LYPD6B: variants seen among roughly 807,000 people sequenced by gnomAD.
LYPD6B encodes LY6/PLAUR domain containing 6B.
LYPD6B carries 17 observed loss-of-function variants against 22.8 expected under a neutral mutation model. The observed-to-expected ratio is 0.75, with a 90% CI of 0.51 to 1.12. The LOEUF is 1.12. LYPD6B is among the 50% of genes most tolerant of loss of function. LYPD6B has a pLI of 0.00. For synonymous variants in LYPD6B, 106 were observed against 91.6 expected, an observed-to-expected ratio of 1.16 and a Z score of -0.90; for missense variants, 221 against 258.3, an observed-to-expected ratio of 0.86 and a Z score of 0.99.
At chr2:149,210,250 T>G (rs1321675153) in intron 5 of LYPD6B, among the ~76,000 whole-genome samples, 1 of 152,166 alleles carries the variant, frequency 6.6e-6, no homozygotes, top group African/African-American at 2.4e-5. Context: ...GGATTTCTTC[T>G]CTGTTGAAAC....
At chr2:149,210,475 T>C (rs1314820130) in intron 5 of LYPD6B, among the ~76,000 whole-genome samples, 1 of 152,186 alleles carries the variant, frequency 6.6e-6, no homozygotes, top group Non-Finnish European at 1.5e-5. Context: ...GGAATTCTAA[T>C]TGAGGGTGTA....
At chr2:149,163,415 G>A (rs1690211433) in intron 3 of LYPD6B, among the ~76,000 whole-genome samples, 1 of 152,264 alleles carries the variant, frequency 6.6e-6, no homozygotes, top group South Asian at 2.1e-4. Context: ...CCACAAAATA[G>A]ATAGTACAAG....
intron 1 of LYPD6B, among the ~76,000 whole-genome samples, chr2:149,116,928 C>T (rs1687033733): frequency 6.6e-6 from 1 of 152,100 alleles, no homozygotes; most frequent in African/African-American, 2.4e-5. Context: ...TTCTAGTTTC[C>T]CCCCTATCCT....
At chr2:149,053,090 G>A (rs1314814830) in intron 1 of LYPD6B, among the ~76,000 whole-genome samples, 1 of 152,156 alleles carries the variant, frequency 6.6e-6, no homozygotes, top group Admixed American at 6.5e-5. Flanking sequence ...ATATTCGCAT[G>A]TGTCTACCAG....
chr2:149,084,178 A>G (rs544379378), intron 1 of LYPD6B, among the ~76,000 whole-genome samples: 1 of 152,332 alleles, frequency 6.6e-6, no homozygotes, highest in East Asian at 1.9e-4. Context: ...CAAAGTGCAA[A>G]TATGCTGTTT....
chr2:149,068,331 G>C (rs1684436552), intron 1 of LYPD6B, among the ~76,000 whole-genome samples: 2 of 152,144 alleles, frequency 1.3e-5, no homozygotes, highest in African/African-American at 4.8e-5. Context: ...TCCAAGTCTA[G>C]TTGTTCCAAG....
chr2:149,066,309 A>C (rs1436084778), intron 1 of LYPD6B, among the ~76,000 whole-genome samples: 2 of 151,708 alleles, frequency 1.3e-5, no homozygotes, highest in East Asian at 3.9e-4. Context: ...TATATCTCCT[A>C]ATGCTATCCC....
intron 1 of LYPD6B, among the ~76,000 whole-genome samples, chr2:149,049,347 G>T (rs1366557385): frequency 6.6e-6 from 1 of 152,186 alleles, no homozygotes; most frequent in Non-Finnish European, 1.5e-5. Context: ...GAGCATGTGT[G>T]CATGCACATG....
chr2:149,210,401 C>T (rs112080543), intron 5 of LYPD6B, among the ~76,000 whole-genome samples: 1 of 152,200 alleles, frequency 6.6e-6, no homozygotes, highest in Non-Finnish European at 1.5e-5. Context: ...GCCCTGCATT[C>T]CAGCATGGCA....
chr2:149,115,719 C>T (rs1023817590), intron 1 of LYPD6B, among the ~76,000 whole-genome samples: 5 of 152,120 alleles, frequency 3.3e-5, no homozygotes, highest in African/African-American at 7.2e-5. Flanking sequence ...CTAGACCCAC[C>T]GTAGGCTTTG....
intron 1 of LYPD6B, among the ~76,000 whole-genome samples, chr2:149,071,390 T>C (rs1684595034): frequency 6.6e-6 from 1 of 152,184 alleles, no homozygotes; most frequent in Non-Finnish European, 1.5e-5. Context: ...ACTGTTTAAA[T>C]AGAGGTTCCA....
intron 1 of LYPD6B, among the ~76,000 whole-genome samples, chr2:149,074,286 ACACG>A (rs770552902): frequency 6.8e-6 from 1 of 147,092 alleles, no homozygotes; most frequent in Admixed American, 6.8e-5. Context: ...ACACACACAC[ACACG>A]CACATGTGCT....
intron 6 of LYPD6B, among the ~76,000 whole-genome samples, chr2:149,213,382 A>T (rs931984654): frequency 6.6e-6 from 1 of 152,160 alleles, no homozygotes; most frequent in African/African-American, 2.4e-5. Flanking sequence ...GAGACCAAAG[A>T]ACAGAGACTC....
intron 1 of LYPD6B, among the ~76,000 whole-genome samples, chr2:149,083,056 C>G (rs370758316): frequency 1.2e-4 from 18 of 152,288 alleles, no homozygotes; most frequent in South Asian, 6.2e-4. Flanking sequence ...AAATCCACGT[C>G]TCCAGGCTAA....
At chr2:149,202,371 T>A (rs762600025) in intron 3 of LYPD6B, among the ~76,000 whole-genome samples, 1 of 152,148 alleles carries the variant, frequency 6.6e-6, no homozygotes, top group African/African-American at 2.4e-5. Context: ...TGGCTGCTTT[T>A]TTTGAGTTCC....
At chr2:149,081,504 A>T (rs1266053793) in intron 1 of LYPD6B, among the ~76,000 whole-genome samples, 1 of 152,228 alleles carries the variant, frequency 6.6e-6, no homozygotes, top group East Asian at 1.9e-4. Flanking sequence ...TCGTTGGCTG[A>T]GCCTGCTTGG....
At chr2:149,072,427 A>G (rs1179851786) in intron 1 of LYPD6B, among the ~76,000 whole-genome samples, 2 of 152,152 alleles carry the variant, frequency 1.3e-5, no homozygotes, top group African/African-American at 2.4e-5. Flanking sequence ...CAGGATGTCA[A>G]TGTAATAAAT....
At chr2:149,092,968 G>A (rs552454815) in intron 1 of LYPD6B, among the ~76,000 whole-genome samples, 1 of 152,302 alleles carries the variant, frequency 6.6e-6, no homozygotes, top group East Asian at 1.9e-4. Flanking sequence ...ATTGGGAGGA[G>A]GGAATAGTTG....
intron 1 of LYPD6B, among the ~76,000 whole-genome samples, chr2:149,099,846 G>A (rs746533810): frequency 4.6e-5 from 7 of 152,176 alleles, no homozygotes; most frequent in Non-Finnish European, 7.3e-5. Flanking sequence ...TAGACCATTC[G>A]TAAGCTTGTT....
Sources: gnomAD v4.1 joint callset for allele counts (sites outside exome capture counted in the v4.1 genomes callset) on GRCh38, gnomAD v4.1.1 for gene constraint, MANE v1.5 for transcripts, NCBI Gene and HGNC (gene_info 2026-07-23, HGNC 2026-07-21) for gene names.